The following RNASE4 variants were observed in gnomAD, a reference collection of about 807,000 sequenced individuals.
RNASE4 encodes the protein ribonuclease 4.
For synonymous variants in RNASE4, 93 were observed against 71.4 expected, an observed-to-expected ratio of 1.30 and a Z score of -1.52; for missense variants, 194 against 192.8, an observed-to-expected ratio of 1.01 and a Z score of -0.04.
rs3748338 is a variant in RNASE4 at position 20,699,417 on chromosome 14, A to C, written c.46A>C (p.Thr16Pro). Reference sequence around the variant, plus strand: ...TTCATTGCTTCTGCTTTTGCTGCTGACCCTGCTGGGGCTGGGGCTGGTCCA... The same window carrying C: ...TTCATTGCTTCTGCTTTTGCTGCTGCCCCTGCTGGGGCTGGGGCTGGTCCA... ...THSLLLLLLLTLLGLGLVQPS... is the reference protein window; with the variant it reads ...THSLLLLLLLPLLGLGLVQPS... The change falls in exon 2 of 2, where the codon ACC becomes CCC. Residue 16 changes from threonine (T) to proline (P), a missense_variant. Physicochemically the swap from Thr to Pro is conservative, Grantham distance 38. Transcript: ENST00000555835. 9 of 1,608,672 alleles carry C rather than the reference A, an allele frequency of 5.6e-6. No individual in the cohort carries two copies. Among genetic ancestry groups the C allele is most frequent in the Non-Finnish European group, 7.7e-6 (9 of 1,176,316 alleles).
At position 20,693,226 on chromosome 14, in the gene RNASE4, T is replaced by G. The variant is rs74792371; in HGVS notation, c.-17-6129T>G. ...GTAGAGACCTATGTAATGTTCATTA[T>G]TCAATTAATAAATACATGAATTAAA... On this transcript the variant is annotated intron_variant, in intron 1 of 1. Coordinates refer to ENST00000555835, the MANE Select transcript of RNASE4 (RefSeq NM_002937.5). Among the ~76,000 whole-genome samples, 8,239 of 152,324 alleles carry G rather than the reference T, an allele frequency of 0.054. 319 individuals are homozygous for G. Among genetic ancestry groups the G allele is most frequent in the East Asian group, 0.16 (828 of 5,184 alleles).
chr14:20,696,835 A>C (rs1241855176), intron 1 of RNASE4, among the ~76,000 whole-genome samples: 1 of 152,140 alleles, frequency 6.6e-6, no homozygotes, highest in African/African-American at 2.4e-5. Context: ...AACATCCCTA[A>C]GAGGTAGGTA....
rs934411572 is a variant in RNASE4 at position 20,700,059 on chromosome 14, T to C, written c.*244T>C. 1.5e-5 allele frequency: 8 copies of C among 521,002 alleles called. No homozygotes were observed. The highest frequency in any genetic ancestry group is 5.1e-4 in the Middle Eastern group (1 of 1,966). 32.3% of individuals were successfully genotyped at this position (521,002 alleles called of 1,614,324 possible). On this transcript the variant is annotated 3_prime_UTR_variant, in exon 2 of 2. Coordinates refer to ENST00000555835, the MANE Select transcript of RNASE4 (RefSeq NM_002937.5). ...TTTATAATACTGGTCAGCTTAGCTC[T>C]CTCAGATCCTATCCTGTGGAATTTA...
intron 1 of RNASE4, among the ~76,000 whole-genome samples, chr14:20,693,152 T>G (rs565256089): frequency 1.4e-4 from 21 of 152,294 alleles, no homozygotes; most frequent in Admixed American, 1.2e-3. Flanking sequence ...CGGCCGTCAT[T>G]TGGTATGTCT....
At chr14:20,688,966 C>A in intron 1 of RNASE4, 1 of 628,572 alleles carries the variant, frequency 1.6e-6, no homozygotes, top group Non-Finnish European at 2.0e-6. Context: ...CCTCCAGGCT[C>A]AAGCTCATGA....
At position 20,699,521 on chromosome 14, in the gene RNASE4, T is replaced by C. The variant is rs751045991; in HGVS notation, c.150T>C (p.Asp50=). The change falls in exon 2 of 2, where the codon GAT becomes GAC. Residue 50 remains aspartate, a synonymous_variant. Transcript: ENST00000555835. Reference sequence around the variant, plus strand: ...ACCCTGAGGAGACAGGTGGCAGTGATCGCTACTGCAACTTGATGATGCAAA... The same window carrying C: ...ACCCTGAGGAGACAGGTGGCAGTGACCGCTACTGCAACTTGATGATGCAAA... ...HVHPEETGGS[D]RYCNLMMQRR... is the part of the protein sequence containing the mutation. 7 of 1,614,208 alleles carry C rather than the reference T, an allele frequency of 4.3e-6. No individual in the cohort carries two copies. The highest frequency in any genetic ancestry group is 3.4e-6 in the Non-Finnish European group (4 of 1,180,038).
intron 1 of RNASE4, among the ~76,000 whole-genome samples, chr14:20,692,090 T>C (rs561536491): frequency 7.2e-5 from 11 of 152,220 alleles, no homozygotes; most frequent in Admixed American, 3.3e-4. Context: ...AAGCACAAAA[T>C]AAAAAATTAA....
chr14:20,698,638 G>A (rs1237008737), intron 1 of RNASE4, among the ~76,000 whole-genome samples: 2 of 151,460 alleles, frequency 1.3e-5, no homozygotes, highest in African/African-American at 4.9e-5. Context: ...AGAATTAAAA[G>A]GATTTCCAAA....
intron 1 of RNASE4, among the ~76,000 whole-genome samples, chr14:20,692,683 T>G (rs1284395665): frequency 5.3e-5 from 8 of 152,186 alleles, no homozygotes; most frequent in African/African-American, 1.9e-4. Context: ...AAATACTGTC[T>G]TCCACAAAAA....
chr14:20,699,225 G>A, intron 1 of RNASE4, 130 bp from the exon 2 acceptor site: 2 of 706,640 alleles, frequency 2.8e-6, no homozygotes, highest in Non-Finnish European at 4.6e-6. Flanking sequence ...GAGATGAGTG[G>A]GGAGATGGTG....
At chr14:20,690,097 C>T (rs1290464116) in intron 1 of RNASE4, among the ~76,000 whole-genome samples, 18 of 147,772 alleles carry the variant, frequency 1.2e-4, no homozygotes, top group Non-Finnish European at 1.9e-4. Flanking sequence ...CGCCTGTAGT[C>T]CCAGCTACTC....
At chr14:20,686,058 A>AAT in intron 1 of RNASE4, among the ~76,000 whole-genome samples, 1 of 137,994 alleles carries the variant, frequency 7.2e-6, no homozygotes, top group Non-Finnish European at 1.6e-5. Flanking sequence ...AAAAAAAAAA[A>AAT]ATTGTGTGGT....
chr14:20,688,965 T>C (rs1886556137), intron 1 of RNASE4: 1 of 637,082 alleles, frequency 1.6e-6, no homozygotes, highest in Non-Finnish European at 2.0e-6. Flanking sequence ...GCCTCCAGGC[T>C]CAAGCTCATG....
intron 1 of RNASE4, among the ~76,000 whole-genome samples, chr14:20,691,952 G>A (rs1886774522): frequency 6.6e-6 from 1 of 152,104 alleles, no homozygotes; most frequent in African/African-American, 2.4e-5. Context: ...AGGACCCATG[G>A]CCTTTTTTTA....
At chr14:20,692,593 T>C in intron 1 of RNASE4, among the ~76,000 whole-genome samples, 1 of 152,212 alleles carries the variant, frequency 6.6e-6, no homozygotes, top group Non-Finnish European at 1.5e-5. Flanking sequence ...GTGCACTCTT[T>C]ATGAGAATCT....
intron 1 of RNASE4, among the ~76,000 whole-genome samples, chr14:20,688,039 A>G (rs1410791822): frequency 1.3e-5 from 2 of 152,212 alleles, no homozygotes; most frequent in Non-Finnish European, 2.9e-5. Context: ...TACGCAAGCA[A>G]TGGATCTACA....
At chr14:20,688,010 A>T (rs1886503526) in intron 1 of RNASE4, among the ~76,000 whole-genome samples, 2 of 152,174 alleles carry the variant, frequency 1.3e-5, no homozygotes, top group African/African-American at 4.8e-5. Flanking sequence ...GATCCTGGTG[A>T]CCTTTGGCCC....
chr14:20,694,585 C>T (rs948054081), intron 1 of RNASE4, among the ~76,000 whole-genome samples: 3 of 152,096 alleles, frequency 2.0e-5, no homozygotes, highest in African/African-American at 7.2e-5. Flanking sequence ...CAGGCATGAG[C>T]CACTGAGCCG....
chr14:20,693,475 AG>A, intron 1 of RNASE4: 2 of 1,586,338 alleles, frequency 1.3e-6, no homozygotes, highest in South Asian at 2.2e-5. Context: ...CAGAGAGCAA[AG>A]CTCCTGTCCT....
Sources: gnomAD v4.1 joint callset for allele counts (sites outside exome capture counted in the v4.1 genomes callset) on GRCh38, gnomAD v4.1.1 for gene constraint, MANE v1.5 for transcripts, NCBI Gene and HGNC (gene_info 2026-07-23, HGNC 2026-07-21) for gene names.